The following COP1 variants were observed in gnomAD, a reference collection of about 807,000 sequenced individuals.
COP1 encodes E3 ubiquitin-protein ligase COP1.
In COP1, 24 loss-of-function variants were observed where a neutral mutation model predicts 101.3. The observed-to-expected ratio is 0.24, with a 90% confidence interval of 0.17 to 0.33. The LOEUF is 0.33. Among genes scored for constraint, COP1 ranks in the 10% least tolerant of loss-of-function variants. The probability of loss-of-function intolerance (pLI) is 1.00; values close to 1 mark genes in which losing one functional copy is unlikely to be tolerated. For missense variants in COP1, 663 were observed against 906.2 expected (o/e 0.73, Z 3.45); for synonymous variants, 347 against 341.9 (o/e 1.01, Z -0.17).
chr1:176,129,635 A>G lies in COP1; in HGVS notation c.968+5375T>C, dbSNP rs1253424772. Among the ~76,000 whole-genome samples, 3 of 151,830 alleles carry G rather than the reference A, an allele frequency of 2.0e-5. 1 individual carries two copies. Among genetic ancestry groups the G allele is most frequent in the Non-Finnish European group, 4.4e-5 (3 of 67,750 alleles). On this transcript the variant is annotated intron_variant, in intron 8 of 19. Transcript: ENST00000367669. ...CAACTATCTGGATCTTATAAAGCAT[A>G]CCCAGCTGAAGGAGATAGAGAAGCT...
At chr1:176,102,689 G>A (rs1382493125) in intron 9 of COP1, among the ~76,000 whole-genome samples, 1 of 152,238 alleles carries the variant, frequency 6.6e-6, no homozygotes. Flanking sequence ...TTAGCCACAA[G>A]ATTAGAAATT....
chr1:176,094,604 A>G (rs1394554920), intron 9 of COP1, among the ~76,000 whole-genome samples: 2 of 151,872 alleles, frequency 1.3e-5, no homozygotes. Context: ...ACATTTAGCA[A>G]ACTCAAAGAT....
chr1:176,084,137 G>C lies in COP1; in HGVS notation c.1141+1639C>G, dbSNP rs1351533214. Among the ~76,000 whole-genome samples the C allele has an allele frequency of 2.0e-5, 3 of 151,968 alleles. No individual in the cohort carries two copies. The East Asian group carries it at 5.8e-4, about 29-fold the overall frequency. On this transcript the variant is annotated intron_variant, in intron 10 of 19. Coordinates refer to ENST00000367669, the MANE Select transcript of COP1 (RefSeq NM_022457.7). ...GCCACTTGCCTATAGTTGTACTTCA[G>C]TATCATACCAACAAATAATGTATGA...
At chr1:175,994,048 G>T (rs1228034232) in intron 15 of COP1, among the ~76,000 whole-genome samples, 2 of 152,138 alleles carry the variant, frequency 1.3e-5, no homozygotes. Context: ...GGGATCTCTG[G>T]GCAGAAACTC....
At chr1:176,129,458 TAA>T (rs1235627401) in intron 8 of COP1, among the ~76,000 whole-genome samples, 1 of 151,914 alleles carries the variant, frequency 6.6e-6, no homozygotes, top group East Asian at 1.9e-4. Flanking sequence ...AAAAATGAAT[TAA>T]ACTTTCAATC....
intron 9 of COP1, among the ~76,000 whole-genome samples, chr1:176,100,593 T>C (rs1683239489): frequency 6.6e-6 from 1 of 152,168 alleles, no homozygotes; most frequent in South Asian, 2.1e-4. Flanking sequence ...TGTAGAAATC[T>C]GGATCAATAT....
chr1:176,150,585 G>A (rs557147442), intron 5 of COP1, among the ~76,000 whole-genome samples: 3 of 152,124 alleles, frequency 2.0e-5, no homozygotes, highest in Non-Finnish European at 4.4e-5. Flanking sequence ...ACGATTATTT[G>A]TCTAGAGGAC....
At chr1:176,102,768 T>G (rs1405341523) in intron 9 of COP1, among the ~76,000 whole-genome samples, 1 of 152,168 alleles carries the variant, frequency 6.6e-6, no homozygotes, top group Non-Finnish European at 1.5e-5. Flanking sequence ...CTAAGATCAG[T>G]GCTTGAGATA....
At chr1:176,047,812 T>C (rs1173260552) in intron 11 of COP1, among the ~76,000 whole-genome samples, 1 of 152,174 alleles carries the variant, frequency 6.6e-6, no homozygotes, top group African/African-American at 2.4e-5. Context: ...CGGTGGCTCA[T>C]GCCTGCAATC....
chr1:176,162,568 G>A (rs1054612829), intron 5 of COP1, among the ~76,000 whole-genome samples: 1 of 152,146 alleles, frequency 6.6e-6, no homozygotes, highest in African/African-American at 2.4e-5. Flanking sequence ...ATACTCATTA[G>A]AAGACAGATA....
At chr1:176,171,750 T>C (rs550260176) in intron 3 of COP1, among the ~76,000 whole-genome samples, 10 of 152,280 alleles carry the variant, frequency 6.6e-5, no homozygotes, top group African/African-American at 2.4e-4. Context: ...TGCCTGTATA[T>C]ACAATTTTGT....
At chr1:176,032,177 A>G (rs1443620474) in intron 14 of COP1, among the ~76,000 whole-genome samples, 4 of 152,208 alleles carry the variant, frequency 2.6e-5, no homozygotes, top group Non-Finnish European at 4.4e-5. Context: ...CTTCTAAACT[A>G]CTGTCCAGGT....
intron 2 of COP1, among the ~76,000 whole-genome samples, chr1:176,176,849 T>G (rs1438716541): frequency 6.6e-6 from 1 of 152,142 alleles, no homozygotes; most frequent in Non-Finnish European, 1.5e-5. Flanking sequence ...AATGTCATAG[T>G]TAAAGAGTAT....
At chr1:176,004,568 T>G (rs12062010) in intron 15 of COP1, among the ~76,000 whole-genome samples, 1 of 152,120 alleles carries the variant, frequency 6.6e-6, no homozygotes, top group Non-Finnish European at 1.5e-5. Context: ...TGAAGGGTTG[T>G]TGCATTTTGT....
chr1:176,026,615 T>C (rs1295713959), intron 15 of COP1, among the ~76,000 whole-genome samples: 1 of 152,150 alleles, frequency 6.6e-6, no homozygotes. Context: ...TGTTAGTCCA[T>C]GTCCTCCTTA....
intron 18 of COP1, among the ~76,000 whole-genome samples, chr1:175,955,163 C>G (rs556338953): frequency 6.6e-6 from 1 of 152,164 alleles, no homozygotes; most frequent in African/African-American, 2.4e-5. Context: ...GGGAGAATCA[C>G]CTGAGCCTGG....
At chr1:176,019,505 T>TAATAATAACAATAAC (rs1374161037) in intron 15 of COP1, among the ~76,000 whole-genome samples, 1 of 133,186 alleles carries the variant, frequency 7.5e-6, no homozygotes, top group African/African-American at 2.7e-5. Flanking sequence ...ATAATAATAA[T>TAATAATAACAATAAC]AACCATCATC....
In COP1 at chr1:176,037,380, C is replaced by T. The variant is rs1185631672; in HGVS notation, c.1612+5806G>A. ...CGAGATCATGCCACTTCACTCCAGCCTGGGCGACAGAGCAAGACTCCGTCT... is the reference window on the plus strand; with the variant it reads ...CGAGATCATGCCACTTCACTCCAGCTTGGGCGACAGAGCAAGACTCCGTCT... On this transcript the variant is annotated intron_variant, in intron 14 of 19. Transcript: ENST00000367669. Among the ~76,000 whole-genome samples, 8 of 149,876 alleles carry T rather than the reference C, an allele frequency of 5.3e-5. No individual in the cohort carries two copies. In the East Asian group the frequency reaches 1.6e-3, roughly 29 times the overall value.
chr1:176,069,650 C>A (rs1445104530), intron 11 of COP1, among the ~76,000 whole-genome samples: 1 of 152,198 alleles, frequency 6.6e-6, no homozygotes, highest in Admixed American at 6.5e-5. Flanking sequence ...CCCTCACTTA[C>A]TTACTGCATA....
Sources: allele counts gnomAD v4.1 joint callset (sites outside exome capture counted in the v4.1 genomes callset), GRCh38; gene constraint gnomAD v4.1.1; transcripts MANE v1.5; gene names NCBI Gene and HGNC (gene_info 2026-07-23, HGNC 2026-07-21).